MEGF6: variants seen among roughly 807,000 people sequenced by gnomAD.
MEGF6 encodes the protein multiple epidermal growth factor-like domains protein 6.
In MEGF6, 184 loss-of-function variants were observed where a neutral mutation model predicts 207.1. The ratio of observed to expected loss-of-function variants is 0.89; its 90% CI spans 0.79 to 1.00. MEGF6 has a LOEUF of 1.00. MEGF6 is among the 50% of genes least tolerant of loss of function. The pLI, the probability that MEGF6 is intolerant of heterozygous loss-of-function variation, is 0.00. For missense variants in MEGF6, 2,282 were observed against 2,202.9 expected (o/e 1.04, Z -0.72); for synonymous variants, 1,038 against 910.0 (o/e 1.14, Z -2.53).
At chr1:3,527,488 G>A (rs1252857740) in intron 4 of MEGF6, among the ~76,000 whole-genome samples, 2 of 152,352 alleles carry the variant, frequency 1.3e-5, no homozygotes, top group East Asian at 3.9e-4. Context: ...CCCTGAGGCT[G>A]CCTCCCAGAG....
intron 4 of MEGF6, among the ~76,000 whole-genome samples, chr1:3,570,740 G>A (rs79568147): frequency 0.047 from 7,122 of 152,336 alleles, 207 homozygotes; most frequent in African/African-American, 0.063. Flanking sequence ...ACTGCCTGCA[G>A]GGCATGAAGC....
intron 4 of MEGF6, among the ~76,000 whole-genome samples, chr1:3,557,650 G>A (rs773190463): frequency 1.2e-4 from 19 of 152,190 alleles, no homozygotes; most frequent in Non-Finnish European, 2.5e-4. Flanking sequence ...CTCATCCCTC[G>A]CTCACTCCCA....
At chr1:3,590,266 G>A (rs1284130023) in intron 3 of MEGF6, among the ~76,000 whole-genome samples, 2 of 152,204 alleles carry the variant, frequency 1.3e-5, no homozygotes, top group African/African-American at 2.4e-5. Context: ...GCTTGGAGGA[G>A]GGGTGCCCAA....
intron 11 of MEGF6, 96 bp from the exon 12 acceptor site, chr1:3,509,341 G>A (rs1034834730): frequency 4.4e-6 from 5 of 1,137,992 alleles, no homozygotes; most frequent in Non-Finnish European, 5.8e-6. Context: ...CCCACCCCAG[G>A]GAACCCCACC....
chr1:3,585,921 GT>G (rs1443471724), intron 3 of MEGF6, among the ~76,000 whole-genome samples: 2 of 145,730 alleles, frequency 1.4e-5, no homozygotes, highest in Admixed American at 6.8e-5. Context: ...GTGGGTGTGA[GT>G]GACACATGTC....
chr1:3,558,517 T>C (rs905398362), intron 4 of MEGF6, among the ~76,000 whole-genome samples: 7 of 152,150 alleles, frequency 4.6e-5, no homozygotes, highest in Non-Finnish European at 8.8e-5. Context: ...CCTACCCCCT[T>C]CCTGCCCCGA....
At chr1:3,596,010 C>T (rs1421461095) in intron 2 of MEGF6, among the ~76,000 whole-genome samples, 2 of 152,082 alleles carry the variant, frequency 1.3e-5, no homozygotes, top group African/African-American at 2.4e-5. Flanking sequence ...GGTGCAATGG[C>T]CACTGCCCCC....
chr1:3,585,816 G>A (rs921462049), intron 3 of MEGF6, among the ~76,000 whole-genome samples: 4 of 147,348 alleles, frequency 2.7e-5, no homozygotes, highest in Non-Finnish European at 6.0e-5. Flanking sequence ...CCTGTTGTGG[G>A]TGTGACACAT....
intron 4 of MEGF6, among the ~76,000 whole-genome samples, chr1:3,546,362 C>A (rs1278636863): frequency 6.6e-6 from 1 of 152,220 alleles, no homozygotes; most frequent in African/African-American, 2.4e-5. Context: ...CATCCCTGCC[C>A]GCCCCTCCTT....
chr1:3,495,828 G>A (rs868366745), intron 30 of MEGF6, 62 bp downstream of exon 30: 78 of 1,565,558 alleles, frequency 5.0e-5, no homozygotes, highest in East Asian at 6.9e-5. Context: ...GTGTCCCCAC[G>A]GCTAATCCAG....
chr1:3,597,098 G>T (rs1644080098), intron 2 of MEGF6, among the ~76,000 whole-genome samples: 1 of 152,238 alleles, frequency 6.6e-6, no homozygotes, highest in South Asian at 2.1e-4. Context: ...TCATTGCCCT[G>T]CAGCCACCAG....
intron 5 of MEGF6, among the ~76,000 whole-genome samples, chr1:3,522,505 C>G (rs74600683): frequency 0.055 from 8,281 of 151,872 alleles, 742 homozygotes; most frequent in African/African-American, 0.19. Context: ...TTCTGGGGCC[C>G]TAAGTGTGCA....
intron 12 of MEGF6, 45 bp from the exon 13 acceptor site, chr1:3,508,734 C>G: frequency 6.2e-7 from 1 of 1,602,160 alleles, no homozygotes; most frequent in South Asian, 1.1e-5. Context: ...TGACCCCTGG[C>G]CTCAGCAGGC....
chr1:3,502,347 A>C (rs1640939980), intron 17 of MEGF6, among the ~76,000 whole-genome samples: 1 of 152,064 alleles, frequency 6.6e-6, no homozygotes, highest in African/African-American at 2.4e-5. Flanking sequence ...CCGCCACCGT[A>C]GTCACCAGAG....
intron 3 of MEGF6, among the ~76,000 whole-genome samples, chr1:3,585,983 T>C (rs555002354): frequency 4.1e-4 from 58 of 140,580 alleles, no homozygotes; most frequent in African/African-American, 1.6e-3. Context: ...TGTGGACGCA[T>C]GTCCTGTGTG....
At chr1:3,618,649 T>C in the MEGF6 span, among the ~76,000 whole-genome samples, 1 of 152,300 alleles carries the variant, frequency 6.6e-6, no homozygotes, top group African/African-American at 2.4e-5. This position sits in a 1 kb window ranked among gnomAD's most constrained non-coding sequence, Gnocchi z 4.7. Context: ...TTGCTTCTGC[T>C]TCTGTCATGA....
intron 4 of MEGF6, among the ~76,000 whole-genome samples, chr1:3,544,577 G>A (rs539712736): frequency 4.0e-4 from 61 of 152,212 alleles, no homozygotes; most frequent in African/African-American, 1.4e-3. Context: ...ACCAGCAGAC[G>A]CTGGCCAGCC....
In MEGF6 at chr1:3,501,178, G is replaced by C. The variant is rs201989476; in HGVS notation, c.2445C>G (p.Asp815Glu). The C allele has an allele frequency of 2.5e-6, 4 of 1,612,428 alleles. No homozygotes were observed. The highest frequency in any genetic ancestry group is 3.4e-6 in the Non-Finnish European group (4 of 1,179,844). The stretch of plus-strand genomic sequence containing the variant: ...CAGGGGCAGCTCCAGCTCACTCACC[G>C]TCCTGGCAGCGGCTGCCGACGAAGC... ...LPGFVGSRCQDVCPAGWYGPS... is the reference protein window; with the variant it reads ...LPGFVGSRCQEVCPAGWYGPS... The change falls in exon 19 of 37, where the codon GAC becomes GAG. Residue 815 changes from aspartate to glutamate, a missense_variant and splice_region_variant. Coordinates refer to ENST00000356575, the MANE Select transcript of MEGF6 (RefSeq NM_001409.4).
intron 1 of MEGF6, 121 bp downstream of exon 1, chr1:3,611,017 C>T: frequency 7.9e-7 from 1 of 1,264,150 alleles, no homozygotes; most frequent in South Asian, 1.8e-5. Context: ...CCAGTTAACG[C>T]AAACAGCCCA....
Sources: allele counts gnomAD v4.1 joint callset (sites outside exome capture counted in the v4.1 genomes callset), GRCh38; gene constraint gnomAD v4.1.1; non-coding constraint Gnocchi (gnomAD v3.1); transcripts MANE v1.5; gene names NCBI Gene and HGNC (gene_info 2026-07-23, HGNC 2026-07-21).